The following ACSM5 variants were observed in gnomAD, a reference collection of about 807,000 sequenced individuals.
ACSM5 encodes acyl-coenzyme A synthetase ACSM5, mitochondrial.
In ACSM5, 56 loss-of-function variants were observed where a neutral mutation model predicts 71.6. That is an observed-to-expected ratio of 0.78 (90% CI 0.63 to 0.98). ACSM5 has a LOEUF of 0.98. Ranked by LOEUF, ACSM5 falls within the 50% of genes least tolerant of loss-of-function variation. The pLI is 0.00. For missense variants in ACSM5, 723 were observed against 726.0 expected, an observed-to-expected ratio of 1.00 and a Z score of 0.05; for synonymous variants, 285 against 281.5, an observed-to-expected ratio of 1.01 and a Z score of -0.12.
intron 6 of ACSM5, among the ~76,000 whole-genome samples, chr16:20,426,341 A>C (rs940522006): frequency 6.6e-6 from 1 of 152,208 alleles, no homozygotes; most frequent in African/African-American, 2.4e-5. Flanking sequence ...TAGCACTTTA[A>C]AACACAAGCA....
intron 2 of ACSM5, among the ~76,000 whole-genome samples, chr16:20,416,869 A>G (rs1459575198): frequency 3.9e-5 from 6 of 152,132 alleles, no homozygotes; most frequent in East Asian, 1.9e-4. Context: ...AAATAACCCA[A>G]TTAAAGTATG....
chr16:20,409,757 G>C (rs1425422048), intron 1 of ACSM5, 92 bp downstream of exon 1: 1 of 152,090 alleles, frequency 6.6e-6, no homozygotes, highest in Non-Finnish European at 1.5e-5. Context: ...AAATGGTGTC[G>C]GGGAATGGGA....
At chr16:20,416,593 A>T (rs1342723079) in intron 2 of ACSM5, among the ~76,000 whole-genome samples, 4 of 152,192 alleles carry the variant, frequency 2.6e-5, no homozygotes, top group African/African-American at 9.6e-5. Flanking sequence ...TGTATCAAAG[A>T]CCTAAATGAA....
At chr16:20,418,334 C>T (rs1321152911) in intron 3 of ACSM5, 65 bp downstream of exon 3, 6 of 1,476,536 alleles carry the variant, frequency 4.1e-6, no homozygotes, top group African/African-American at 1.4e-5. Context: ...TTTGCAGTGT[C>T]CACAGGGTCT....
At chr16:20,434,441 C>G (rs974245429) in intron 10 of ACSM5, among the ~76,000 whole-genome samples, 9 of 152,260 alleles carry the variant, frequency 5.9e-5, no homozygotes, top group Admixed American at 5.2e-4. Flanking sequence ...CGACTGTAAT[C>G]CTAGCACTTT....
chr16:20,425,364 C>T (rs143073978), intron 6 of ACSM5, among the ~76,000 whole-genome samples: 6,718 of 152,058 alleles, frequency 0.044, 165 homozygotes, highest in South Asian at 0.061. Flanking sequence ...ATATGTACAT[C>T]TTCTTTTTCC....
rs760613077 is a variant in ACSM5 at position 20,421,362 on chromosome 16, C to A, written c.728C>A (p.Ser243Tyr). The A allele has an allele frequency of 3.7e-6, 6 of 1,606,712 alleles. No homozygotes were observed. The highest frequency in any genetic ancestry group is 8.5e-7 in the Non-Finnish European group (1 of 1,176,230). The stretch of plus-strand genomic sequence containing the variant: ...GGGGCCCCCAAGATGGTCGAGCACT[C>A]CCAGAGCAGCTACGGACTGGGTTTT... The part of the protein sequence containing the change: ...TTGAPKMVEH[S>Y]QSSYGLGFVA... The change falls in exon 5 of 14, where the codon TCC (serine) becomes TAC (tyrosine). Residue 243 changes from serine (S) to tyrosine (Y), a missense_variant. Transcript: ENST00000331849.
chr16:20,430,984 T>C lies in ACSM5; in HGVS notation c.1126-9T>C. ...AGGCTCTTCTTTATCTGTACTGCGTTCTCCCCAGGTTGTCATCTGTGCCAA... is the reference window on the plus strand; with the variant it reads ...AGGCTCTTCTTTATCTGTACTGCGTCCTCCCCAGGTTGTCATCTGTGCCAA... On this transcript the variant is annotated splice_polypyrimidine_tract_variant and intron_variant, in intron 8 of 13. Coordinates refer to ENST00000331849, the MANE Select transcript of ACSM5 (RefSeq NM_017888.3). 1 of 1,608,978 alleles carries C rather than the reference T, an allele frequency of 6.2e-7. No homozygotes were observed. The highest frequency in any genetic ancestry group is 1.1e-5 in the South Asian group (1 of 90,172).
intron 2 of ACSM5, among the ~76,000 whole-genome samples, chr16:20,417,840 C>G (rs1197194405): frequency 6.6e-6 from 1 of 152,128 alleles, no homozygotes; most frequent in African/African-American, 2.4e-5. Context: ...ATGCAAAAAA[C>G]TAATAAAATT....
In ACSM5 at chr16:20,439,783, A is replaced by G; in HGVS notation, c.1537-17A>G. The G allele has an allele frequency of 6.2e-7, 1 of 1,607,618 alleles. No individual in the cohort carries two copies. The highest frequency in any genetic ancestry group is 8.5e-7 in the Non-Finnish European group (1 of 1,175,588). ...ATACGAGGCCTGATCTTTTCTGGGT[A>G]TTTTGTTTTCCTGCAGGTGGTAAAG... On this transcript the variant is annotated splice_polypyrimidine_tract_variant and intron_variant, in intron 12 of 13. Coordinates refer to ENST00000331849, the MANE Select transcript of ACSM5 (RefSeq NM_017888.3).
chr16:20,420,460 C>T (rs1175867660), intron 4 of ACSM5, among the ~76,000 whole-genome samples: 1 of 152,188 alleles, frequency 6.6e-6, no homozygotes. Context: ...ATTAGCTGGG[C>T]GTGGTGGCGC....
chr16:20,415,764 C>G (rs912844433), intron 2 of ACSM5, among the ~76,000 whole-genome samples: 2 of 152,154 alleles, frequency 1.3e-5, no homozygotes, highest in African/African-American at 2.4e-5. Context: ...TGATTAAGGG[C>G]TTTGAAACCT....
intron 4 of ACSM5, chr16:20,420,950 G>A (rs1372906892): frequency 5.4e-5 from 10 of 185,206 alleles, no homozygotes; most frequent in Admixed American, 6.2e-5. Context: ...GTGCCTAAAT[G>A]TGCAGAATTA....
chr16:20,421,396 C>T lies in ACSM5; in HGVS notation c.762C>T (p.Ser254=), dbSNP rs530246497. 149 of 1,593,534 alleles carry T rather than the reference C, an allele frequency of 9.4e-5. No individual in the cohort carries two copies. Among genetic ancestry groups the T allele is most frequent in the Non-Finnish European group, 1.2e-4 (137 of 1,168,042 alleles). The change falls in exon 5 of 14, where the codon AGC becomes AGT. Residue 254 remains serine, a synonymous_variant. Coordinates refer to ENST00000331849, the MANE Select transcript of ACSM5 (RefSeq NM_017888.3). ...QSSYGLGFVA[S]GRRWVALTES... ...GCTACGGACTGGGTTTTGTGGCCAG[C>T]GGAAGGTACCAGAGCAGCTTGTCTA... is the stretch of plus-strand genomic sequence containing the variant.
At chr16:20,421,069 C>A in intron 4 of ACSM5, 189 bp from the exon 5 acceptor site, 1 of 526,046 alleles carries the variant, frequency 1.9e-6, no homozygotes, top group Non-Finnish European at 2.9e-6. Flanking sequence ...GTTTCCTGGT[C>A]TGCAAAAGGG....
In ACSM5 at chr16:20,421,305, C is replaced by T. The variant is rs751303232; in HGVS notation, c.671C>T (p.Pro224Leu). ...HNCMRTKSRD[P>L]LAIYFTSGTT... ...TGCATGAGGACAAAGAGTCGAGACC[C>T]GCTGGCCATCTACTTTACCAGCGGA... The change falls in exon 5 of 14, where the codon CCG (proline) becomes CTG (leucine). Residue 224 changes from proline to leucine, a missense_variant. Physicochemically the swap from Pro to Leu is moderately conservative, Grantham distance 98. Coordinates refer to ENST00000331849, the MANE Select transcript of ACSM5 (RefSeq NM_017888.3). 2.0e-5 allele frequency: 32 copies of T among 1,607,118 alleles called. No homozygotes were observed. Among genetic ancestry groups the T allele is most frequent in the Middle Eastern group, 1.7e-4 (1 of 6,060 alleles).
intron 2 of ACSM5, among the ~76,000 whole-genome samples, chr16:20,417,745 T>C (rs1238730654): frequency 6.6e-6 from 1 of 152,138 alleles, no homozygotes; most frequent in African/African-American, 2.4e-5. Context: ...CAGAAAACAG[T>C]GTTAATCATG....
chr16:20,429,913 G>T, intron 8 of ACSM5, 112 bp downstream of exon 8: 2 of 1,332,942 alleles, frequency 1.5e-6, no homozygotes, highest in Non-Finnish European at 2.0e-6. Context: ...CCCCAGGGGA[G>T]AAGCTGATAA....
rs1215474616 is a variant in ACSM5, at chr16:20,441,109, A to G, written c.*682A>G. 6.6e-6 allele frequency: 1 copy of G among 152,204 alleles called. No individual in the cohort carries two copies. The highest frequency in any genetic ancestry group is 1.5e-5 in the Non-Finnish European group (1 of 68,042). 9.4% of individuals were successfully genotyped at this position (152,204 alleles called of 1,614,324 possible). A position where few individuals can be genotyped will look rare whatever the true frequency, so the allele number is the denominator to read the frequency against. ...TCTTGGGAAAAGTGTAAGCTATATT[A>G]ATTTTAAAAATCAGAGCAAAAATAT... is the stretch of plus-strand genomic sequence containing the variant. On this transcript the variant is annotated 3_prime_UTR_variant, in exon 14 of 14. Transcript: ENST00000331849.
Sources: gnomAD v4.1 joint callset for allele counts (sites outside exome capture counted in the v4.1 genomes callset) on GRCh38, gnomAD v4.1.1 for gene constraint, MANE v1.5 for transcripts, NCBI Gene and HGNC (gene_info 2026-07-23, HGNC 2026-07-21) for gene names.